The following PTPRA variants were observed in gnomAD, a reference collection of about 807,000 sequenced individuals.
The protein encoded by PTPRA is protein tyrosine phosphatase receptor type A, also known as receptor-type tyrosine-protein phosphatase alpha.
A neutral mutation model predicts 104.8 loss-of-function variants in PTPRA; 25 were observed. The observed-to-expected ratio is 0.24, with a 90% CI of 0.17 to 0.33. The LOEUF is 0.33. Among genes scored for constraint, PTPRA ranks in the 10% least tolerant of loss-of-function variants. The probability of loss-of-function intolerance (pLI) is 1.00; values close to 1 mark genes in which losing one functional copy is unlikely to be tolerated. For missense variants in PTPRA, 765 were observed against 1,015.3 expected (o/e 0.75, Z 3.35); for synonymous variants, 323 against 368.9 (o/e 0.88, Z 1.43).
At chr20:2,874,232 C>T (rs1482217616) in intron 1 of PTPRA, among the ~76,000 whole-genome samples, 1 of 152,086 alleles carries the variant, frequency 6.6e-6, no homozygotes, top group Non-Finnish European at 1.5e-5. Context: ...TTGCCGCCCT[C>T]TCCCAACTGT....
intron 3 of PTPRA, among the ~76,000 whole-genome samples, chr20:2,959,457 T>C (rs1402866159): frequency 6.6e-6 from 1 of 152,246 alleles, no homozygotes; most frequent in Non-Finnish European, 1.5e-5. Flanking sequence ...GTAAATTATC[T>C]GTTTAGGTCC....
chr20:3,022,744 A>G lies in PTPRA; in HGVS notation c.1384A>G (p.Met462Val). 1 of 1,614,160 alleles carries G rather than the reference A, an allele frequency of 6.2e-7. No individual in the cohort carries two copies. The highest frequency in any genetic ancestry group is 8.5e-7 in the Non-Finnish European group (1 of 1,180,034). The part of the protein sequence containing the change: ...FVVIDAMLDM[M>V]HTERKVDVYG... ...CGTCATTGATGCCATGCTGGACATG[A>G]TGCATACAGAACGGAAGGTGGACGT... is the stretch of plus-strand genomic sequence containing the variant. The change falls in exon 16 of 24, where the codon ATG becomes GTG. Residue 462 changes from methionine (M) to valine (V), a missense_variant. Met to Val is a conservative substitution (Grantham distance 21). This residue lies in a region of PTPRA where 245 missense variants were observed against 398.7 expected (regional missense o/e 0.61). Transcript: ENST00000399903. This position sits in a 1 kb window ranked among gnomAD's most constrained non-coding sequence, Gnocchi z 4.6.
At chr20:2,949,001 C>G (rs1176627098) in intron 3 of PTPRA, among the ~76,000 whole-genome samples, 2 of 152,086 alleles carry the variant, frequency 1.3e-5, no homozygotes, top group Non-Finnish European at 2.9e-5. Context: ...CTATCTCCCC[C>G]TTCTCTCTTT....
At chr20:3,038,003 C>A in intron 23 of PTPRA, 56 bp from the exon 24 acceptor site, 1 of 1,405,238 alleles carries the variant, frequency 7.1e-7, no homozygotes. Context: ...TTAGGAATTA[C>A]AGGTACTGTG....
the PTPRA span, among the ~76,000 whole-genome samples, chr20:2,865,668 G>A: frequency 6.6e-6 from 1 of 152,212 alleles, no homozygotes; most frequent in Non-Finnish European, 1.5e-5. This position sits in a 1 kb window ranked among gnomAD's most constrained non-coding sequence, Gnocchi z 5.2. Flanking sequence ...GCTGTGTTGG[G>A]TGCACTGGAG....
At chr20:2,876,764 G>A (rs904870258) in intron 1 of PTPRA, among the ~76,000 whole-genome samples, 1 of 152,166 alleles carries the variant, frequency 6.6e-6, no homozygotes, top group South Asian at 2.1e-4. Flanking sequence ...ACTGCCACCC[G>A]TTTCTGGGGG....
At chr20:3,030,467 A>G (rs933521632) in intron 20 of PTPRA, among the ~76,000 whole-genome samples, 1 of 152,048 alleles carries the variant, frequency 6.6e-6, no homozygotes, top group African/African-American at 2.4e-5. Flanking sequence ...TTTCTGTTCC[A>G]TTCATGTTGT....
At chr20:2,940,042 GGA>G (rs1337163050) in intron 2 of PTPRA, among the ~76,000 whole-genome samples, 1 of 152,244 alleles carries the variant, frequency 6.6e-6, no homozygotes, top group African/African-American at 2.4e-5. Flanking sequence ...CCCAGGAGGT[GGA>G]GGTTGCAGTG....
chr20:3,037,808 C>T lies in PTPRA; in HGVS notation c.2335-251C>T, dbSNP rs2065877353. On this transcript the variant is annotated intron_variant, in intron 23 of 23. Coordinates refer to ENST00000399903, the MANE Select transcript of PTPRA (RefSeq NM_001385305.1). This position sits in a 1 kb window ranked among gnomAD's most constrained non-coding sequence, Gnocchi z 4.3. ...AGCTGCACTGTCTCCCAGCCCAGCA[C>T]ATGCCTGTCTGACCTCTGTGGGGCC... Among the ~76,000 whole-genome samples the T allele has an allele frequency of 6.6e-6, 1 of 152,146 alleles. No individual in the cohort carries two copies. The highest frequency in any genetic ancestry group is 1.5e-5 in the Non-Finnish European group (1 of 68,034).
intron 2 of PTPRA, among the ~76,000 whole-genome samples, chr20:2,924,134 T>C (rs1186170027): frequency 6.6e-6 from 1 of 152,152 alleles, no homozygotes; most frequent in African/African-American, 2.4e-5. Context: ...AATTGTGATA[T>C]ATGGTCAGGT....
In PTPRA at chr20:3,027,969, C is replaced by T. The variant is rs879426021; in HGVS notation, c.1920+128C>T. 47 of 1,289,504 alleles carry T rather than the reference C, an allele frequency of 3.6e-5. No individual in the cohort carries two copies. In the East Asian group the frequency reaches 8.3e-4, roughly 23 times the overall value. 79.9% of individuals were successfully genotyped at this position (1,289,504 alleles called of 1,614,324 possible). ...TTTGACTTATACGGTCCAAAGAGTA[C>T]GTTTGCATAGTATAAGTACATACTT... On this transcript the variant is annotated intron_variant, in intron 20 of 23. Coordinates refer to ENST00000399903, the MANE Select transcript of PTPRA (RefSeq NM_001385305.1).
At chr20:2,964,837 T>G in intron 4 of PTPRA, 24 bp from the exon 5 acceptor site, 1 of 1,567,576 alleles carries the variant, frequency 6.4e-7, no homozygotes, top group South Asian at 1.1e-5. Flanking sequence ...CATGTGCTAT[T>G]TCCTTGTTTT....
chr20:2,866,172 T>G, the PTPRA span: 1 of 1,575,502 alleles, frequency 6.3e-7, no homozygotes, highest in Non-Finnish European at 8.7e-7. Flanking sequence ...AGGAGGGCTG[T>G]GCATTACCTT....
intron 20 of PTPRA, among the ~76,000 whole-genome samples, chr20:3,032,911 A>AT (rs34489806): frequency 0.03 from 4,286 of 144,108 alleles, 189 homozygotes; most frequent in African/African-American, 0.092. Flanking sequence ...CTCTTTTCTG[A>AT]TTTTTTTTTT....
chr20:3,021,964 CACTG>C, intron 14 of PTPRA, 86 bp from the exon 15 acceptor site: 2 of 1,489,558 alleles, frequency 1.3e-6, no homozygotes, highest in East Asian at 4.7e-5. Flanking sequence ...TTTCCATTGT[CACTG>C]ACAACCACAG....
chr20:2,977,047 G>A (rs574836920), intron 6 of PTPRA, among the ~76,000 whole-genome samples: 80 of 152,270 alleles, frequency 5.3e-4, no homozygotes, highest in African/African-American at 1.9e-3. Flanking sequence ...GGAGGCCAAG[G>A]CGGGTGGATC....
intron 9 of PTPRA, among the ~76,000 whole-genome samples, chr20:2,999,007 A>G (rs1023526888): frequency 3.3e-5 from 5 of 151,478 alleles, no homozygotes; most frequent in African/African-American, 1.2e-4. Flanking sequence ...ATTAATATTC[A>G]TCAGACATAT....
chr20:2,998,420 C>T (rs955228482), intron 9 of PTPRA, among the ~76,000 whole-genome samples: 2 of 152,008 alleles, frequency 1.3e-5, no homozygotes, highest in Admixed American at 6.6e-5. Flanking sequence ...GATGAGTTGT[C>T]CCAAAATAAG....
At chr20:2,990,695 C>T (rs2063134311) in intron 9 of PTPRA, among the ~76,000 whole-genome samples, 1 of 152,162 alleles carries the variant, frequency 6.6e-6, no homozygotes, top group Non-Finnish European at 1.5e-5. Context: ...CACTCCACTG[C>T]ACCCCAGCCT....
Sources: allele counts gnomAD v4.1 joint callset (sites outside exome capture counted in the v4.1 genomes callset), GRCh38; gene constraint gnomAD v4.1.1; regional missense constraint gnomAD v4.1.1; non-coding constraint Gnocchi (gnomAD v3.1); transcripts MANE v1.5; gene names NCBI Gene and HGNC (gene_info 2026-07-23, HGNC 2026-07-21).